The following SNTG1 variants were observed in gnomAD, a reference collection of about 807,000 sequenced individuals.
SNTG1 encodes syntrophin gamma 1, also known as gamma-1-syntrophin.
A neutral mutation model predicts 74.7 loss-of-function variants in SNTG1; 39 were observed. The observed-to-expected ratio is 0.52, with a 90% CI of 0.40 to 0.68. The LOEUF (loss-of-function observed/expected upper bound fraction) is 0.68. Among genes scored for constraint, SNTG1 ranks in the 30% least tolerant of loss-of-function variants. The probability of loss-of-function intolerance (pLI) is 0.00; values close to 1 mark genes in which losing one functional copy is unlikely to be tolerated. For synonymous variants in SNTG1, 254 were observed against 217.1 expected, an observed-to-expected ratio of 1.17 and a Z score of -1.49; for missense variants, 685 against 609.5, an observed-to-expected ratio of 1.12 and a Z score of -1.30.
intron 2 of SNTG1, among the ~76,000 whole-genome samples, chr8:50,220,314 A>G (rs1040889822): frequency 1.3e-5 from 2 of 152,190 alleles, no homozygotes; most frequent in Non-Finnish European, 2.9e-5. Context: ...GGTTATATAG[A>G]TATATCTGCA....
intron 2 of SNTG1, among the ~76,000 whole-genome samples, chr8:50,257,468 CT>C: frequency 6.6e-6 from 1 of 152,270 alleles, no homozygotes; most frequent in Admixed American, 6.5e-5. Flanking sequence ...CCTCACAGCT[CT>C]CCCTAAGTGA....
chr8:50,724,571 A>G (rs1442931435), intron 17 of SNTG1, among the ~76,000 whole-genome samples: 2 of 152,174 alleles, frequency 1.3e-5, no homozygotes, highest in East Asian at 1.9e-4. Context: ...AAACTGAGAG[A>G]TATTTCATTC....
chr8:50,637,655 A>G (rs953427134), intron 13 of SNTG1, among the ~76,000 whole-genome samples: 1 of 152,114 alleles, frequency 6.6e-6, no homozygotes, highest in African/African-American at 2.4e-5. Flanking sequence ...AATGCGCAGG[A>G]TTGGATGCAT....
At chr8:49,915,564 C>T (rs1053295749) in intron 1 of SNTG1, among the ~76,000 whole-genome samples, 1 of 152,178 alleles carries the variant, frequency 6.6e-6, no homozygotes, top group African/African-American at 2.4e-5. Flanking sequence ...CATTCTATAT[C>T]AATTGGACAA....
chr8:50,535,550 G>C (rs74672241), intron 10 of SNTG1, among the ~76,000 whole-genome samples: 1 of 152,292 alleles, frequency 6.6e-6, no homozygotes, highest in East Asian at 1.9e-4. Context: ...GGTGCTCATT[G>C]AGTCACCAGT....
chr8:50,620,837 G>A (rs1013201696), intron 13 of SNTG1, among the ~76,000 whole-genome samples: 1 of 152,086 alleles, frequency 6.6e-6, no homozygotes, highest in Non-Finnish European at 1.5e-5. Flanking sequence ...AAGAAGGGTG[G>A]AGCAACCCTG....
intron 2 of SNTG1, among the ~76,000 whole-genome samples, chr8:50,206,054 CT>C (rs1260925779): frequency 1.3e-5 from 2 of 152,136 alleles, no homozygotes; most frequent in Admixed American, 6.5e-5. Flanking sequence ...AATGAGGGCT[CT>C]TTTTTGGTTC....
intron 18 of SNTG1, among the ~76,000 whole-genome samples, chr8:50,785,184 T>C (rs1030490492): frequency 3.3e-5 from 5 of 151,854 alleles, no homozygotes; most frequent in African/African-American, 9.7e-5. Context: ...AGGACAATTA[T>C]AAATTTAGAC....
At chr8:49,944,851 A>G (rs1809028513) in intron 1 of SNTG1, among the ~76,000 whole-genome samples, 1 of 150,998 alleles carries the variant, frequency 6.6e-6, no homozygotes, top group East Asian at 1.9e-4. Context: ...GCAGTGGCGC[A>G]ATCTCGGCTC....
At chr8:50,771,120 G>C (rs960141343) in intron 18 of SNTG1, among the ~76,000 whole-genome samples, 2 of 152,050 alleles carry the variant, frequency 1.3e-5, no homozygotes, top group Non-Finnish European at 2.9e-5. Context: ...ACTGGAAGTG[G>C]GTAATGACTG....
chr8:50,079,243 T>A (rs909245017), intron 1 of SNTG1, among the ~76,000 whole-genome samples: 1 of 152,226 alleles, frequency 6.6e-6, no homozygotes, highest in African/African-American at 2.4e-5. Flanking sequence ...TTTTTAACGA[T>A]CGCCATTCTA....
intron 2 of SNTG1, among the ~76,000 whole-genome samples, chr8:50,227,537 T>C (rs527284069): frequency 2.2e-4 from 34 of 152,212 alleles, no homozygotes; most frequent in South Asian, 2.1e-4. Context: ...GGAGAAAAAC[T>C]TGTGAAGGTC....
intron 1 of SNTG1, among the ~76,000 whole-genome samples, chr8:50,076,132 T>C (rs1014961557): frequency 4.6e-5 from 7 of 152,298 alleles, no homozygotes; most frequent in East Asian, 1.9e-4. Context: ...CTGTGGAAGC[T>C]TGATGGATAG....
At chr8:50,482,589 G>A (rs2093749956) in intron 8 of SNTG1, among the ~76,000 whole-genome samples, 1 of 152,044 alleles carries the variant, frequency 6.6e-6, no homozygotes, top group South Asian at 2.1e-4. Flanking sequence ...GAAGTAAATA[G>A]CCTACAGATT....
At chr8:50,370,591 C>T (rs778343619) in intron 2 of SNTG1, among the ~76,000 whole-genome samples, 22 of 152,134 alleles carry the variant, frequency 1.4e-4, no homozygotes, top group Non-Finnish European at 3.1e-4. Context: ...CCTTTCACCC[C>T]TGTCTGAAGG....
At chr8:50,133,296 C>T (rs1201338811) in intron 1 of SNTG1, among the ~76,000 whole-genome samples, 3 of 152,152 alleles carry the variant, frequency 2.0e-5, no homozygotes, top group Non-Finnish European at 4.4e-5. Context: ...CTCCATAAGG[C>T]CTCAACAGGA....
intron 1 of SNTG1, among the ~76,000 whole-genome samples, chr8:50,141,178 T>C (rs939498794): frequency 2.6e-5 from 4 of 152,202 alleles, no homozygotes; most frequent in Admixed American, 2.6e-4. Flanking sequence ...GAATGTCTCT[T>C]TTCAACTTTC....
intron 1 of SNTG1, among the ~76,000 whole-genome samples, chr8:50,018,950 A>G (rs1198425990): frequency 1.3e-5 from 2 of 152,142 alleles, no homozygotes; most frequent in East Asian, 3.9e-4. Flanking sequence ...GAATTGTTAT[A>G]TGATCCAGCA....
At chr8:50,591,146 T>A (rs1014878472) in intron 13 of SNTG1, among the ~76,000 whole-genome samples, 7 of 152,228 alleles carry the variant, frequency 4.6e-5, no homozygotes, top group South Asian at 2.1e-4. Context: ...AAAATTATTG[T>A]TTCTACAAAA....
Sources: allele counts gnomAD v4.1 joint callset (sites outside exome capture counted in the v4.1 genomes callset), GRCh38; gene constraint gnomAD v4.1.1; transcripts MANE v1.5; gene names NCBI Gene and HGNC (gene_info 2026-07-23, HGNC 2026-07-21).